JHY: variants seen among roughly 807,000 people sequenced by gnomAD.
JHY encodes junctional cadherin complex regulator.
A neutral mutation model predicts 78.0 loss-of-function variants in JHY; 69 were observed. The observed-to-expected ratio is 0.88, with a 90% CI of 0.73 to 1.08. The LOEUF (loss-of-function observed/expected upper bound fraction) is 1.08. Among genes scored for constraint, JHY ranks in the 50% least tolerant of loss-of-function variants. The pLI, the probability that JHY is intolerant of heterozygous loss-of-function variation, is 0.00. For synonymous variants in JHY, 368 were observed against 342.6 expected, an observed-to-expected ratio of 1.07 and a Z score of -0.82; for missense variants, 944 against 927.8, an observed-to-expected ratio of 1.02 and a Z score of -0.23.
At chr11:122,930,305 C>T (rs553916471) in intron 4 of JHY, among the ~76,000 whole-genome samples, 1 of 152,188 alleles carries the variant, frequency 6.6e-6, no homozygotes, top group East Asian at 1.9e-4. Flanking sequence ...GGTCTCAACT[C>T]CTGACCTCAA....
At chr11:122,885,476 C>A (rs1361807894) in intron 1 of JHY, among the ~76,000 whole-genome samples, 1 of 152,142 alleles carries the variant, frequency 6.6e-6, no homozygotes, top group Non-Finnish European at 1.5e-5. Flanking sequence ...CTGTAACAAG[C>A]CCTTGGAAGC....
At position 122,948,094 on chromosome 11, in the gene JHY, A is replaced by G. The variant is rs548643106; in HGVS notation, c.1929+1302A>G. ...TCAGTACAGAAGGGCCTCCGCGCTA[A>G]GACCACTTGAGAGGAATTAAGCAAA... is the stretch of plus-strand genomic sequence containing the variant. On this transcript the variant is annotated intron_variant, in intron 6 of 8. Coordinates refer to ENST00000227349, the MANE Select transcript of JHY (RefSeq NM_024806.4). Among the ~76,000 whole-genome samples the G allele has an allele frequency of 2.0e-5, 3 of 152,310 alleles. No homozygotes were observed. The South Asian group carries it at 6.2e-4, about 32-fold the overall frequency.
At chr11:122,920,761 C>T (rs926395573) in intron 3 of JHY, among the ~76,000 whole-genome samples, 2 of 152,194 alleles carry the variant, frequency 1.3e-5, no homozygotes, top group African/African-American at 4.8e-5. Context: ...CGCCTTACCT[C>T]AGTGTAAACA....
rs150070440 is a variant in JHY at position 122,886,152 on chromosome 11, C to A, written c.303C>A (p.Arg101=). 3 of 1,613,760 alleles carry A rather than the reference C, an allele frequency of 1.9e-6. No individual in the cohort carries two copies. The highest frequency in any genetic ancestry group is 1.7e-5 in the Admixed American group (1 of 59,990). ...EASGKAAQMA[R]EQNHHTWDQG... The stretch of plus-strand genomic sequence containing the variant: ...GTGGAAAAGCAGCTCAGATGGCTCG[C>A]GAGCAAAACCACCATACCTGGGACC... Residue 101 remains arginine (R), a synonymous_variant, in exon 2 of 9, where the codon CGC becomes CGA. Transcript: ENST00000227349.
At position 122,948,480 on chromosome 11, in the gene JHY, G is replaced by A. The variant is rs978881599; in HGVS notation, c.1929+1688G>A. Among the ~76,000 whole-genome samples the A allele has an allele frequency of 2.0e-3, 281 of 143,674 alleles. 1 individual carries two copies. The highest frequency in any genetic ancestry group is 7.1e-3 in the African/African-American group (269 of 37,762). The allele number at this position is 143,674 out of a possible 152,430, so 94.3% of individuals were successfully genotyped here. A position where few individuals can be genotyped will look rare whatever the true frequency, so the allele number is the denominator to read the frequency against. ...TAATAATAATAATAATAATAATAAT[G>A]ATTTCTACTAGGAACTTGGAAGATG... is the stretch of plus-strand genomic sequence containing the variant. On this transcript the variant is annotated intron_variant, in intron 6 of 8. Transcript: ENST00000227349.
At chr11:122,888,412 C>T (rs1299158462) in intron 2 of JHY, among the ~76,000 whole-genome samples, 3 of 152,206 alleles carry the variant, frequency 2.0e-5, no homozygotes, top group African/African-American at 4.8e-5. Context: ...AATTCTCCAT[C>T]ACAATCCTGT....
In JHY at chr11:122,960,159, G is replaced by A. The variant is rs1445913773; in HGVS notation, c.*714G>A. ...TGAGGCACAAGAATTGCTTGAACCC[G>A]GGAGGCAGAGGTTACAGTGAGCCGA... On this transcript the variant is annotated 3_prime_UTR_variant, in exon 9 of 9. Transcript: ENST00000227349. Among the ~76,000 whole-genome samples, 1 of 152,062 alleles carries A rather than the reference G, an allele frequency of 6.6e-6. No homozygotes were observed. The highest frequency in any genetic ancestry group is 2.4e-5 in the African/African-American group (1 of 41,414).
chr11:122,908,344 C>A (rs1025702936), intron 3 of JHY, among the ~76,000 whole-genome samples: 2 of 152,178 alleles, frequency 1.3e-5, no homozygotes, highest in African/African-American at 4.8e-5. Flanking sequence ...TGCCATCAGG[C>A]CTACACTTTG....
intron 6 of JHY, chr11:122,947,065 A>G (rs1863980115): frequency 3.2e-6 from 1 of 312,052 alleles, no homozygotes; most frequent in Non-Finnish European, 5.8e-6. Context: ...GAGTGGCAGA[A>G]CTCCTCCTTT....
At chr11:122,902,206 C>G (rs983851083) in intron 2 of JHY, among the ~76,000 whole-genome samples, 1 of 151,536 alleles carries the variant, frequency 6.6e-6, no homozygotes, top group Non-Finnish European at 1.5e-5. Flanking sequence ...CCTGTAATCC[C>G]GAAACTTTGG....
intron 4 of JHY, among the ~76,000 whole-genome samples, chr11:122,926,200 A>AAG (rs1555054813): frequency 1.1e-3 from 96 of 90,468 alleles, no homozygotes; most frequent in African/African-American, 2.9e-3. Context: ...AAAAAAAAAA[A>AAG]AAAAAAGAAA....
At chr11:122,886,519 G>A (rs1277652379) in intron 2 of JHY, among the ~76,000 whole-genome samples, 3 of 152,212 alleles carry the variant, frequency 2.0e-5, no homozygotes, top group Non-Finnish European at 1.5e-5. Context: ...TGTGGAGTCA[G>A]GTGGACTTGA....
At chr11:122,957,939 A>T (rs185264715) in intron 8 of JHY, among the ~76,000 whole-genome samples, 1 of 152,214 alleles carries the variant, frequency 6.6e-6, no homozygotes, top group Admixed American at 6.5e-5. Context: ...TAATAATGTG[A>T]TTTCTTAAAT....
intron 2 of JHY, among the ~76,000 whole-genome samples, chr11:122,894,471 C>A (rs986370389): frequency 1.3e-5 from 2 of 152,146 alleles, no homozygotes; most frequent in Non-Finnish European, 2.9e-5. Flanking sequence ...ACACTCGAGC[C>A]TTCCTTGGAA....
intron 4 of JHY, among the ~76,000 whole-genome samples, chr11:122,931,006 C>A (rs2135350025): frequency 6.6e-6 from 1 of 152,178 alleles, no homozygotes; most frequent in Middle Eastern, 3.4e-3. Flanking sequence ...CTCACTGTGT[C>A]CTCACACAAT....
intron 5 of JHY, among the ~76,000 whole-genome samples, chr11:122,936,229 CTA>C (rs1863753786): frequency 6.6e-6 from 1 of 152,134 alleles, no homozygotes; most frequent in South Asian, 2.1e-4. Flanking sequence ...GTGCTAAATG[CTA>C]TACAAGGTAC....
chr11:122,957,583 C>A, intron 8 of JHY, 92 bp downstream of exon 8: 4 of 1,257,692 alleles, frequency 3.2e-6, no homozygotes, highest in Non-Finnish European at 4.2e-6. Context: ...TAATTAGCCA[C>A]AGAGTCTTGC....
intron 3 of JHY, among the ~76,000 whole-genome samples, chr11:122,919,426 G>T (rs1006576629): frequency 1.4e-4 from 20 of 146,596 alleles, no homozygotes; most frequent in Admixed American, 1.0e-3. Context: ...TCCAGGCAAA[G>T]AATGGCCTAT....
intron 3 of JHY, among the ~76,000 whole-genome samples, chr11:122,918,639 A>C (rs1863285737): frequency 6.6e-6 from 1 of 151,560 alleles, no homozygotes; most frequent in Non-Finnish European, 1.5e-5. Context: ...ACAGCCGGCT[A>C]CCTGGCTTTA....
Sources: gnomAD v4.1 joint callset for allele counts (sites outside exome capture counted in the v4.1 genomes callset) on GRCh38, gnomAD v4.1.1 for gene constraint, MANE v1.5 for transcripts, NCBI Gene and HGNC (gene_info 2026-07-23, HGNC 2026-07-21) for gene names.